SS18: variants seen among roughly 807,000 people sequenced by gnomAD.
SS18 encodes the protein SS18 subunit of BAF chromatin remodeling complex.
SS18 carries 28 observed loss-of-function variants against 72.5 expected under a neutral mutation model. The ratio of observed to expected loss-of-function variants is 0.39; its 90% CI spans 0.29 to 0.53. SS18 has a LOEUF of 0.53. Among genes scored for constraint, SS18 ranks in the 20% least tolerant of loss-of-function variants. The pLI is 0.76. For synonymous variants in SS18, 172 were observed against 164.2 expected (o/e 1.05, Z -0.37); for missense variants, 518 against 535.3 (o/e 0.97, Z 0.32).
At chr18:26,083,770 G>A (rs796752842) in intron 2 of SS18, among the ~76,000 whole-genome samples, 3 of 152,134 alleles carry the variant, frequency 2.0e-5, no homozygotes, top group Non-Finnish European at 4.4e-5. Flanking sequence ...TCTAATAAGT[G>A]CCTCTAAGCT....
intron 3 of SS18, among the ~76,000 whole-genome samples, chr18:26,062,059 G>A (rs113935531): frequency 6.6e-5 from 10 of 152,236 alleles, no homozygotes; most frequent in African/African-American, 2.2e-4. Flanking sequence ...CCAGGAGATC[G>A]AGGCTAGCCT....
At chr18:26,041,698 A>T (rs955358844) in intron 5 of SS18, among the ~76,000 whole-genome samples, 4 of 152,188 alleles carry the variant, frequency 2.6e-5, no homozygotes, top group African/African-American at 9.7e-5. Context: ...TATATAACTA[A>T]AACCTATAAT....
At chr18:26,054,733 A>ATC (rs36024253) in intron 4 of SS18, among the ~76,000 whole-genome samples, 1 of 150,846 alleles carries the variant, frequency 6.6e-6, no homozygotes, top group Non-Finnish European at 1.5e-5. Context: ...TATAGAGAAA[A>ATC]TCTCTCTCTC....
chr18:26,067,945 T>G (rs140915237), intron 3 of SS18, among the ~76,000 whole-genome samples: 12 of 152,092 alleles, frequency 7.9e-5, no homozygotes, highest in African/African-American at 2.9e-4. Flanking sequence ...GGCATTAGAT[T>G]ATCATAAGGA....
intron 5 of SS18, among the ~76,000 whole-genome samples, chr18:26,040,100 G>A (rs1470252354): frequency 6.6e-6 from 1 of 152,138 alleles, no homozygotes; most frequent in Non-Finnish European, 1.5e-5. Context: ...TGCTTAATAT[G>A]TTAAAAGACA....
chr18:26,030,700 T>C (rs1027312993), intron 10 of SS18, among the ~76,000 whole-genome samples: 4 of 152,086 alleles, frequency 2.6e-5, no homozygotes, highest in African/African-American at 4.8e-5. Flanking sequence ...CAAGAGATGT[T>C]CTGTACATTT....
In SS18 at chr18:26,035,264, A is replaced by T; in HGVS notation, c.974-137T>A. 2 of 1,150,552 alleles carry T rather than the reference A, an allele frequency of 1.7e-6. No homozygotes were observed. The highest frequency in any genetic ancestry group is 2.4e-6 in the Non-Finnish European group (2 of 840,124). The allele number at this position is 1,150,552 out of a possible 1,614,324, so 71.3% of individuals were successfully genotyped here. A position where few individuals can be genotyped will look rare whatever the true frequency, so the allele number is the denominator to read the frequency against. On this transcript the variant is annotated intron_variant, in intron 8 of 10. Coordinates refer to ENST00000415083, the MANE Select transcript of SS18 (RefSeq NM_001007559.3). The surrounding 1 kb of genome is among the most constrained non-coding windows in gnomAD (Gnocchi z 4.4). Reference sequence around the variant, plus strand: ...ATTTTTAGAAGTTAACAAAACAAAGAAAAAACTCAAACCAAACAGAAGGAT... The same window carrying T: ...ATTTTTAGAAGTTAACAAAACAAAGTAAAAACTCAAACCAAACAGAAGGAT...
intron 3 of SS18, among the ~76,000 whole-genome samples, chr18:26,070,966 T>G (rs573451370): frequency 6.6e-6 from 1 of 152,218 alleles, no homozygotes; most frequent in East Asian, 1.9e-4. Flanking sequence ...ATAGAAATTC[T>G]AGAAATAGAA....
At chr18:26,090,837 C>T (rs1184624321), upstream of SS18, 1 of 533,548 alleles carries the variant, frequency 1.9e-6, no homozygotes, top group East Asian at 3.4e-5. Context: ...TGGGCACCCC[C>T]TGGCCCTTTG....
At chr18:26,066,506 G>A (rs964070592) in intron 3 of SS18, among the ~76,000 whole-genome samples, 1 of 151,748 alleles carries the variant, frequency 6.6e-6, no homozygotes, top group Non-Finnish European at 1.5e-5. Context: ...TGAAAACCAT[G>A]GAGTCATCCC....
Position 26,016,675 on chromosome 18 carries a change from A to AT in SS18, c.*1678dup. 1 of 195,330 alleles carries AT rather than the reference A, an allele frequency of 5.1e-6. No individual in the cohort carries two copies. Among genetic ancestry groups the AT allele is most frequent in the East Asian group, 8.1e-5 (1 of 12,370 alleles). 12.1% of individuals were successfully genotyped at this position (195,330 alleles called of 1,614,324 possible). ...GAGGCGGAGGTTGCAGTGAGCTGAGATTGCGCCACTGCACTCCAGCCTGGG... is the reference window on the plus strand; with the variant it reads ...GAGGCGGAGGTTGCAGTGAGCTGAGATTTGCGCCACTGCACTCCAGCCTGGG... On this transcript the variant is annotated 3_prime_UTR_variant, in exon 11 of 11. Coordinates refer to ENST00000415083, the MANE Select transcript of SS18 (RefSeq NM_001007559.3).
At chr18:26,076,145 T>C (rs949711920) in intron 3 of SS18, among the ~76,000 whole-genome samples, 8 of 151,978 alleles carry the variant, frequency 5.3e-5, no homozygotes, top group African/African-American at 1.9e-4. Context: ...TCTTCCCAAA[T>C]TGATTTACAG....
At chr18:26,090,277 G>T in intron 1 of SS18, 1 of 566,404 alleles carries the variant, frequency 1.8e-6, no homozygotes, top group Non-Finnish European at 3.1e-6. Flanking sequence ...TTTTGTGTCT[G>T]TAGAAAAACG....
chr18:26,063,171 T>G (rs900531817), intron 3 of SS18, among the ~76,000 whole-genome samples: 5 of 152,262 alleles, frequency 3.3e-5, no homozygotes, highest in Middle Eastern at 3.4e-3. Flanking sequence ...ATATATTTTC[T>G]GAGCACAGTG....
intron 5 of SS18, among the ~76,000 whole-genome samples, chr18:26,049,020 T>C (rs1010986222): frequency 2.0e-5 from 3 of 152,210 alleles, no homozygotes; most frequent in Non-Finnish European, 4.4e-5. Flanking sequence ...CCACATACAG[T>C]AAGCTACAGG....
At chr18:26,018,764 T>C (rs1229644166) in intron 10 of SS18, among the ~76,000 whole-genome samples, 4 of 152,184 alleles carry the variant, frequency 2.6e-5, no homozygotes, top group South Asian at 2.1e-4. Context: ...GTGACAACTT[T>C]GTGAGTGTTT....
At chr18:26,019,147 G>T (rs994388900) in intron 10 of SS18, among the ~76,000 whole-genome samples, 1 of 152,058 alleles carries the variant, frequency 6.6e-6, no homozygotes, top group African/African-American at 2.4e-5. Flanking sequence ...CATCTGTTCA[G>T]GTTAACTTTT....
intron 1 of SS18, among the ~76,000 whole-genome samples, chr18:26,088,159 C>CTT: frequency 6.6e-6 from 1 of 152,116 alleles, no homozygotes; most frequent in Non-Finnish European, 1.5e-5. Context: ...AATAAACAAG[C>CTT]CCAGAAGGGA....
chr18:26,041,908 C>A (rs1384355763), intron 5 of SS18, among the ~76,000 whole-genome samples: 1 of 152,040 alleles, frequency 6.6e-6, no homozygotes, highest in Non-Finnish European at 1.5e-5. Flanking sequence ...CAATTACTAC[C>A]CTTCTTTTAC....
Sources: gnomAD v4.1 joint callset for allele counts (sites outside exome capture counted in the v4.1 genomes callset) on GRCh38, gnomAD v4.1.1 for gene constraint, Gnocchi (gnomAD v3.1) non-coding constraint, MANE v1.5 for transcripts, NCBI Gene and HGNC (gene_info 2026-07-23, HGNC 2026-07-21) for gene names.